The following NPAS3 variants were observed in gnomAD, a reference collection of about 807,000 sequenced individuals.
NPAS3 encodes neuronal PAS domain-containing protein 3.
A neutral mutation model predicts 73.1 loss-of-function variants in NPAS3; 14 were observed. The ratio of observed to expected loss-of-function variants is 0.19; its 90% CI spans 0.13 to 0.30. NPAS3 has a LOEUF of 0.30. Ranked by LOEUF, NPAS3 falls within the 10% of genes least tolerant of loss-of-function variation. The pLI is 1.00. For missense variants in NPAS3, 1,096 were observed against 1,250.0 expected, an observed-to-expected ratio of 0.88 and a Z score of 1.86; for synonymous variants, 620 against 541.5, an observed-to-expected ratio of 1.14 and a Z score of -2.01.
chr14:32,982,558 A>G (rs1403338003), intron 1 of NPAS3, among the ~76,000 whole-genome samples: 1 of 152,166 alleles, frequency 6.6e-6, no homozygotes, highest in Admixed American at 6.5e-5. Flanking sequence ...AAAAGAAAAA[A>G]AAAATCTCTA....
intron 3 of NPAS3, among the ~76,000 whole-genome samples, chr14:33,235,225 T>G (rs2047989705): frequency 6.6e-6 from 1 of 152,172 alleles, no homozygotes. Flanking sequence ...TGTAAATGTG[T>G]TAAAGAGAAA....
chr14:33,647,418 T>C (rs550512831), intron 5 of NPAS3, among the ~76,000 whole-genome samples: 29 of 152,202 alleles, frequency 1.9e-4, no homozygotes, highest in African/African-American at 6.5e-4. Context: ...CTCTTTGATA[T>C]ACTTATGCTG....
At chr14:33,293,218 G>T (rs1238508649) in intron 3 of NPAS3, among the ~76,000 whole-genome samples, 1 of 152,074 alleles carries the variant, frequency 6.6e-6, no homozygotes, top group Non-Finnish European at 1.5e-5. Flanking sequence ...ATATAGAAAA[G>T]AAAACTGGAG....
At chr14:33,270,515 AAG>A (rs1344290331) in intron 3 of NPAS3, among the ~76,000 whole-genome samples, 8 of 152,102 alleles carry the variant, frequency 5.3e-5, no homozygotes, top group Admixed American at 5.2e-4. Context: ...GAGAGGGAAG[AAG>A]AGAGCATTAA....
At chr14:33,350,347 T>C (rs2044975611) in intron 3 of NPAS3, among the ~76,000 whole-genome samples, 1 of 152,210 alleles carries the variant, frequency 6.6e-6, no homozygotes, top group South Asian at 2.1e-4. Flanking sequence ...AAGAGTCATG[T>C]TTATTTTCTG....
intron 2 of NPAS3, among the ~76,000 whole-genome samples, chr14:33,180,660 G>A (rs796473808): frequency 2.6e-4 from 39 of 151,914 alleles, no homozygotes; most frequent in African/African-American, 8.9e-4. Flanking sequence ...TTAGCTGGGC[G>A]TGGTGGTGGG....
chr14:33,115,036 G>C (rs1484638398), intron 2 of NPAS3, among the ~76,000 whole-genome samples: 3 of 152,096 alleles, frequency 2.0e-5, no homozygotes, highest in Non-Finnish European at 4.4e-5. Context: ...TCTAAGAAAG[G>C]CATGATAGAC....
intron 4 of NPAS3, among the ~76,000 whole-genome samples, chr14:33,481,629 A>G (rs1398903489): frequency 6.6e-6 from 1 of 152,172 alleles, no homozygotes; most frequent in Non-Finnish European, 1.5e-5. Context: ...ACATTATGCA[A>G]GAGGTTGAAA....
upstream of NPAS3, among the ~76,000 whole-genome samples, chr14:32,938,526 G>GAA (rs2035800805): frequency 1.2e-4 from 3 of 25,426 alleles, no homozygotes; most frequent in Non-Finnish European, 1.8e-4. Context: ...AGAGAGAGAA[G>GAA]GGGGGGGAGG....
At chr14:33,672,944 GAAAGTGTTA>G (rs1470004652) in intron 5 of NPAS3, among the ~76,000 whole-genome samples, 3 of 152,240 alleles carry the variant, frequency 2.0e-5, no homozygotes, top group Non-Finnish European at 2.9e-5. Flanking sequence ...GAGAAATGTT[GAAAGTGTTA>G]GATACATGTA....
At chr14:33,061,846 T>C (rs1386416855) in intron 2 of NPAS3, among the ~76,000 whole-genome samples, 3 of 152,186 alleles carry the variant, frequency 2.0e-5, no homozygotes, top group East Asian at 3.9e-4. Flanking sequence ...GAGAAATAAG[T>C]GTCAACTATG....
At chr14:33,704,659 A>C (rs1462347847) in intron 6 of NPAS3, among the ~76,000 whole-genome samples, 1 of 152,182 alleles carries the variant, frequency 6.6e-6, no homozygotes, top group African/African-American at 2.4e-5. Context: ...TCATTTTCTC[A>C]ACACCTTTCC....
At chr14:33,063,537 C>T (rs1334450854) in intron 2 of NPAS3, among the ~76,000 whole-genome samples, 1 of 152,158 alleles carries the variant, frequency 6.6e-6, no homozygotes, top group African/African-American at 2.4e-5. Context: ...AATTAGGGCC[C>T]ATTAGCCAAA....
intron 5 of NPAS3, among the ~76,000 whole-genome samples, chr14:33,635,913 A>G (rs1251276110): frequency 6.6e-6 from 1 of 152,152 alleles, no homozygotes; most frequent in African/African-American, 2.4e-5. Flanking sequence ...GCATGTCCAC[A>G]TGTAAGTGTC....
chr14:33,095,160 CATT>C (rs145377645), intron 2 of NPAS3, among the ~76,000 whole-genome samples: 5,647 of 152,234 alleles, frequency 0.037, 111 homozygotes, highest in African/African-American at 0.044. Context: ...AGTTTTAAAT[CATT>C]ATAAAATTGG....
chr14:33,350,597 G>A (rs1356280871), intron 3 of NPAS3, among the ~76,000 whole-genome samples: 3 of 152,232 alleles, frequency 2.0e-5, no homozygotes, highest in African/African-American at 7.2e-5. Flanking sequence ...TGAAGAGACA[G>A]CTGTAACTAT....
At chr14:33,331,530 G>C (rs1333029576) in intron 3 of NPAS3, among the ~76,000 whole-genome samples, 1 of 151,822 alleles carries the variant, frequency 6.6e-6, no homozygotes, top group Non-Finnish European at 1.5e-5. Context: ...TTTTTTTCCT[G>C]TTGTTTATCT....
intron 4 of NPAS3, among the ~76,000 whole-genome samples, chr14:33,401,264 TG>T (rs1285690404): frequency 1.3e-5 from 2 of 152,032 alleles, no homozygotes; most frequent in Non-Finnish European, 2.9e-5. Context: ...GAGTGTAGAA[TG>T]GGGAATCTGC....
chr14:33,551,981 A>G (rs2055139467), intron 4 of NPAS3, among the ~76,000 whole-genome samples: 1 of 152,204 alleles, frequency 6.6e-6, no homozygotes, highest in Non-Finnish European at 1.5e-5. Context: ...TTTCTGTTTT[A>G]TAAAGTTAAT....
Sources: allele counts gnomAD v4.1 joint callset (sites outside exome capture counted in the v4.1 genomes callset), GRCh38; gene constraint gnomAD v4.1.1; transcripts MANE v1.5; gene names NCBI Gene and HGNC (gene_info 2026-07-23, HGNC 2026-07-21).